The following SLC6A6 variants were observed in gnomAD, a reference collection of about 807,000 sequenced individuals.
SLC6A6 encodes the protein sodium- and chloride-dependent taurine transporter.
Under a neutral mutation model 68.8 loss-of-function variants are expected in SLC6A6, and 16 were observed. That is an observed-to-expected ratio of 0.23 (90% CI 0.16 to 0.35). The LOEUF (loss-of-function observed/expected upper bound fraction) is 0.35. Ranked by LOEUF, SLC6A6 falls within the 10% of genes least tolerant of loss-of-function variation. The pLI is 1.00. For synonymous variants in SLC6A6, 312 were observed against 315.4 expected (o/e 0.99, Z 0.12); for missense variants, 474 against 802.8 (o/e 0.59, Z 4.95).
chr3:14,481,614 GC>G lies in SLC6A6; in HGVS notation c.1552-51del, dbSNP rs753991922. 3.2e-5 allele frequency: 39 copies of G among 1,223,060 alleles called. 1 individual carries two copies. In the South Asian group the frequency reaches 4.2e-4, roughly 13 times the overall value. 75.8% of individuals were successfully genotyped at this position (1,223,060 alleles called of 1,614,324 possible). On this transcript the variant is annotated intron_variant, in intron 13 of 14. Coordinates refer to ENST00000622186, the MANE Select transcript of SLC6A6 (RefSeq NM_003043.6). This position sits in a 1 kb window ranked among gnomAD's most constrained non-coding sequence, Gnocchi z 4.7. ...GTTGAGGCCAGTCCTAGTCCCAGAAGCCCCCCACCCCCCGATGCCCAGGACC... is the reference window on the plus strand; with the variant it reads ...GTTGAGGCCAGTCCTAGTCCCAGAAGCCCCCACCCCCCGATGCCCAGGACC...
chr3:14,482,619 C>A (rs1486919057), intron 14 of SLC6A6, among the ~76,000 whole-genome samples: 1 of 152,124 alleles, frequency 6.6e-6, no homozygotes, highest in Non-Finnish European at 1.5e-5. Flanking sequence ...GGCCCTGGCT[C>A]CCTGCTGGGC....
rs1007420015 is a variant in SLC6A6, at chr3:14,472,920, C to T, written c.1209+603C>T. ...TACACCGCACAGGCCGGGAGCCTCG[C>T]TCAAACCCGCCCTGACCTCTGGCTG... is the stretch of plus-strand genomic sequence containing the variant. On this transcript the variant is annotated intron_variant, in intron 10 of 14. Coordinates refer to ENST00000622186, the MANE Select transcript of SLC6A6 (RefSeq NM_003043.6). This position sits in a 1 kb window ranked among gnomAD's most constrained non-coding sequence, Gnocchi z 4.5. Among the ~76,000 whole-genome samples, 1 of 152,226 alleles carries T rather than the reference C, an allele frequency of 6.6e-6. No homozygotes were observed. Among genetic ancestry groups the T allele is most frequent in the Non-Finnish European group, 1.5e-5 (1 of 68,040 alleles).
In SLC6A6 at chr3:14,468,421, T is replaced by G. The variant is rs56051894; in HGVS notation, c.1096+209T>G. Among the ~76,000 whole-genome samples, 150,974 of 150,978 alleles carry G rather than the reference T, an allele frequency of 1. 75,485 individuals carry two copies. Among genetic ancestry groups the G allele is most frequent in the Middle Eastern group, 1 (294 of 294 alleles). On this transcript the variant is annotated intron_variant, in intron 9 of 14. Transcript: ENST00000622186. This position sits in a 1 kb window ranked among gnomAD's most constrained non-coding sequence, Gnocchi z 4.5. ...CATTTGTATTGCAATTTGGCCCTGA[T>G]GGGTGGCAAAAGCATGGGGGGTGGT...
chr3:14,405,784 T>G (rs573429558), intron 1 of SLC6A6, among the ~76,000 whole-genome samples: 1 of 152,364 alleles, frequency 6.6e-6, no homozygotes, highest in South Asian at 2.1e-4. Flanking sequence ...AGTTGATTAA[T>G]AGACCTTGGT....
At chr3:14,420,658 A>AT (rs1292612269) in intron 2 of SLC6A6, among the ~76,000 whole-genome samples, 2 of 151,376 alleles carry the variant, frequency 1.3e-5, no homozygotes, top group East Asian at 3.9e-4. Flanking sequence ...CTGGCTAATT[A>AT]TTTTTTTTAG....
intron 7 of SLC6A6, 43 bp downstream of exon 7, chr3:14,466,693 G>A (rs1369059930): frequency 1.3e-6 from 2 of 1,574,450 alleles, no homozygotes; most frequent in Admixed American, 3.6e-5. Context: ...CCCATCCAGG[G>A]CTGGGCCGGC....
At chr3:14,417,497 CAA>C (rs1280424499) in intron 2 of SLC6A6, among the ~76,000 whole-genome samples, 19 of 152,170 alleles carry the variant, frequency 1.2e-4, no homozygotes, top group South Asian at 6.2e-4. Flanking sequence ...TTTGGGAGGC[CAA>C]GGTGGGCAGA....
rs1272063346 is a variant in SLC6A6 at position 14,468,063 on chromosome 3, GC to G, written c.972-24del. 6.2e-7 allele frequency: 1 copy of G among 1,613,964 alleles called. No individual in the cohort carries two copies. Among genetic ancestry groups the G allele is most frequent in the African/African-American group, 1.3e-5 (1 of 74,932 alleles). On this transcript the variant is annotated intron_variant, in intron 8 of 14. Transcript: ENST00000622186. The surrounding 1 kb of genome is among the most constrained non-coding windows in gnomAD (Gnocchi z 4.5). Reference sequence around the variant, plus strand: ...GCTTCCTTGTGTTGTGAATTAACTTGCTCCCTGACATATGTGTAACTTAGGG... The same window carrying G: ...GCTTCCTTGTGTTGTGAATTAACTTGTCCCTGACATATGTGTAACTTAGGG...
At chr3:14,476,646 C>A (rs1574965817) in intron 10 of SLC6A6, among the ~76,000 whole-genome samples, 1 of 152,356 alleles carries the variant, frequency 6.6e-6, no homozygotes, top group Middle Eastern at 3.4e-3. Context: ...GCTCAGACTT[C>A]CCCTGACCTG....
chr3:14,486,450 CT>C lies in SLC6A6; in HGVS notation c.*1444del, dbSNP rs1701167646. On this transcript the variant is annotated 3_prime_UTR_variant, in exon 15 of 15. Coordinates refer to ENST00000622186, the MANE Select transcript of SLC6A6 (RefSeq NM_003043.6). ...CACCTGCGGACCCAAAAGAGAAGGC[CT>C]AGGAGAGTTTTCTAGAAGGTTGGGA... 6.6e-6 allele frequency: 1 copy of C among 152,610 alleles called. No homozygotes were observed. Among genetic ancestry groups the C allele is most frequent in the Non-Finnish European group, 1.5e-5 (1 of 68,032 alleles). 9.5% of individuals were successfully genotyped at this position (152,610 alleles called of 1,614,324 possible). A position where few individuals can be genotyped will look rare whatever the true frequency, so the allele number is the denominator to read the frequency against.
Position 14,485,652 on chromosome 3 carries a change from T to A in SLC6A6, c.*645T>A, listed in dbSNP as rs1701139763. 1 of 152,676 alleles carries A rather than the reference T, an allele frequency of 6.5e-6. No individual in the cohort carries two copies. Among genetic ancestry groups the A allele is most frequent in the South Asian group, 2.1e-4 (1 of 4,832 alleles). 9.5% of individuals were successfully genotyped at this position (152,676 alleles called of 1,614,324 possible). A position where few individuals can be genotyped will look rare whatever the true frequency, so the allele number is the denominator to read the frequency against. On this transcript the variant is annotated 3_prime_UTR_variant, in exon 15 of 15. Transcript: ENST00000622186. ...GTGAAGAAGAGAGATGCCAAAGGAATGAACCAACCCTTCACATAAAGGAGA... is the reference window on the plus strand; with the variant it reads ...GTGAAGAAGAGAGATGCCAAAGGAAAGAACCAACCCTTCACATAAAGGAGA...
At chr3:14,416,598 C>T (rs940279175) in intron 2 of SLC6A6, 145 bp downstream of exon 2, 9 of 395,388 alleles carry the variant, frequency 2.3e-5, no homozygotes, top group African/African-American at 1.4e-4. Flanking sequence ...TTGTCCACAC[C>T]TCACCTCCAG....
chr3:14,443,559 T>C, intron 2 of SLC6A6, 65 bp from the exon 3 acceptor site: 1 of 1,136,790 alleles, frequency 8.8e-7, no homozygotes, highest in Non-Finnish European at 1.3e-6. Context: ...GAAGCAGAGA[T>C]TGTGTCTGAG....
chr3:14,422,755 T>A (rs922552009), intron 2 of SLC6A6, among the ~76,000 whole-genome samples: 4 of 152,216 alleles, frequency 2.6e-5, no homozygotes, highest in Non-Finnish European at 4.4e-5. Context: ...TCTTGCTCTG[T>A]GGGGTCCCAC....
At position 14,408,900 on chromosome 3, in the gene SLC6A6, G is replaced by C. The variant is rs375727242; in HGVS notation, c.-54+6053G>C. 5.1e-4 allele frequency among the ~76,000 whole-genome samples: 78 copies of C among 151,868 alleles called. 2 individuals carry two copies. The South Asian group carries it at 9.6e-3, about 19-fold the overall frequency. On this transcript the variant is annotated intron_variant, in intron 1 of 14. Coordinates refer to ENST00000622186, the MANE Select transcript of SLC6A6 (RefSeq NM_003043.6). ...CAGCTCACTGCAAGCTCCGCCTCCTGGGTTCAGGCCATTCTCCTGCCTCAG... is the reference window on the plus strand; with the variant it reads ...CAGCTCACTGCAAGCTCCGCCTCCTCGGTTCAGGCCATTCTCCTGCCTCAG...
chr3:14,459,125 G>A (rs181122170), intron 6 of SLC6A6, among the ~76,000 whole-genome samples: 14 of 152,260 alleles, frequency 9.2e-5, no homozygotes, highest in Admixed American at 3.9e-4. Flanking sequence ...GAACAAAGGC[G>A]TTTGCTCATC....
At chr3:14,432,379 C>T (rs1377926446) in intron 2 of SLC6A6, among the ~76,000 whole-genome samples, 1 of 152,216 alleles carries the variant, frequency 6.6e-6, no homozygotes. Context: ...GCTAGCGAAG[C>T]TGACAGCAAG....
chr3:14,448,521 G>C (rs944928735), intron 5 of SLC6A6, among the ~76,000 whole-genome samples: 1 of 152,170 alleles, frequency 6.6e-6, no homozygotes, highest in East Asian at 1.9e-4. Context: ...CTTGTCACCG[G>C]CCACTAAGCA....
In SLC6A6 at chr3:14,435,471, G is replaced by A. The variant is rs1432415410; in HGVS notation, c.-11-8153G>A. Among the ~76,000 whole-genome samples the A allele has an allele frequency of 3.3e-5, 5 of 152,318 alleles. No individual in the cohort carries two copies. The South Asian group carries it at 6.2e-4, about 19-fold the overall frequency. ...GATAACAAGCCCCTGTCCCAGAGAC[G>A]GCATGCTGAAACGATTTCCTCAACA... On this transcript the variant is annotated intron_variant, in intron 2 of 14. Transcript: ENST00000622186.
Sources: allele counts gnomAD v4.1 joint callset (sites outside exome capture counted in the v4.1 genomes callset), GRCh38; gene constraint gnomAD v4.1.1; non-coding constraint Gnocchi (gnomAD v3.1); transcripts MANE v1.5; gene names NCBI Gene and HGNC (gene_info 2026-07-23, HGNC 2026-07-21).